GRM4: variants seen among roughly 807,000 people sequenced by gnomAD.
GRM4 encodes metabotropic glutamate receptor 4.
In GRM4, 28 loss-of-function variants were observed where a neutral mutation model predicts 81.7. The observed-to-expected ratio is 0.34, with a 90% CI of 0.25 to 0.47. The LOEUF is 0.47. GRM4 is among the 20% of genes least tolerant of loss of function. The probability of loss-of-function intolerance (pLI) is 1.00; values close to 1 mark genes in which losing one functional copy is unlikely to be tolerated. For synonymous variants in GRM4, 488 were observed against 528.8 expected (o/e 0.92, Z 1.06); for missense variants, 948 against 1,290.0 (o/e 0.73, Z 4.06).
chr6:34,077,770 A>G (rs1463118959), intron 3 of GRM4, among the ~76,000 whole-genome samples: 1 of 152,110 alleles, frequency 6.6e-6, no homozygotes, highest in East Asian at 1.9e-4. Flanking sequence ...AGTCAGCTCC[A>G]TCTGTTCTTA....
At chr6:34,107,359 C>T (rs1320901403) in intron 2 of GRM4, among the ~76,000 whole-genome samples, 1 of 152,134 alleles carries the variant, frequency 6.6e-6, no homozygotes, top group East Asian at 1.9e-4. Flanking sequence ...TCCTGAGCAC[C>T]CTCTATGTGC....
At position 34,114,978 on chromosome 6, in the gene GRM4, G is replaced by A. The variant is rs961789032; in HGVS notation, c.519+18000C>T. 1.3e-5 allele frequency among the ~76,000 whole-genome samples: 2 copies of A among 152,208 alleles called. No individual in the cohort carries two copies. Among genetic ancestry groups the A allele is most frequent in the Non-Finnish European group, 2.9e-5 (2 of 68,040 alleles). ...AGCCCAGGAAGCATGTCCATTAAGA[G>A]AAGCCTTTCCTCCAGGTTGCCAGCA... On this transcript the variant is annotated intron_variant, in intron 2 of 10. Coordinates refer to ENST00000538487, the MANE Select transcript of GRM4 (RefSeq NM_000841.4). The surrounding 1 kb of genome is among the most constrained non-coding windows in gnomAD (Gnocchi z 4.3).
intron 9 of GRM4, among the ~76,000 whole-genome samples, chr6:34,031,162 C>A (rs1237635831): frequency 6.6e-6 from 1 of 152,182 alleles, no homozygotes; most frequent in East Asian, 1.9e-4. Context: ...CAGGAAGGTC[C>A]TAAAGGGAGG....
intron 2 of GRM4, chr6:34,110,819 G>A: frequency 5.8e-6 from 8 of 1,379,614 alleles, no homozygotes; most frequent in Non-Finnish European, 7.5e-6. Flanking sequence ...TGTCTTGCCT[G>A]GCAGCTCTCC....
rs747544988 is a variant in GRM4, at chr6:34,056,697, C to T, written c.1028-13G>A. On this transcript the variant is annotated splice_polypyrimidine_tract_variant and intron_variant, in intron 5 of 10. Transcript: ENST00000538487. ...TAGCGGTCGAAGCCTGGCAGGGAAC[C>T]AGGACGTCAGGGCCTCACTGGCCTT... 1 of 1,611,312 alleles carries T rather than the reference C, an allele frequency of 6.2e-7. No individual in the cohort carries two copies. Among genetic ancestry groups the T allele is most frequent in the Non-Finnish European group, 8.5e-7 (1 of 1,178,632 alleles).
intron 6 of GRM4, among the ~76,000 whole-genome samples, chr6:34,052,056 G>A (rs1765639489): frequency 6.6e-6 from 1 of 152,230 alleles, no homozygotes; most frequent in Non-Finnish European, 1.5e-5. Flanking sequence ...GCCTCCAGCT[G>A]CCAGCATGTG....
intron 2 of GRM4, among the ~76,000 whole-genome samples, chr6:34,117,548 C>T (rs951510311): frequency 9.2e-5 from 14 of 152,166 alleles, no homozygotes; most frequent in East Asian, 3.8e-4. Context: ...GTTGAATTTC[C>T]GGGGTTTAGG....
At chr6:34,030,752 C>T (rs895987143) in intron 9 of GRM4, among the ~76,000 whole-genome samples, 1 of 152,230 alleles carries the variant, frequency 6.6e-6, no homozygotes, top group African/African-American at 2.4e-5. Flanking sequence ...AATTATATAG[C>T]CAACTCTCAA....
intron 10 of GRM4, 72 bp downstream of exon 10, chr6:34,028,048 G>A: frequency 6.7e-7 from 1 of 1,482,786 alleles, no homozygotes; most frequent in Non-Finnish European, 9.1e-7. Context: ...GGAGGGGCAG[G>A]AGCTCAGCCC....
chr6:34,113,970 T>C lies in GRM4; in HGVS notation c.519+19008A>G, dbSNP rs58796915. ...CCTTGCTCCTCAGATGGGCCAAAAA[T>C]GTTCCTGCTTCAGGGTCTTTGCACT... On this transcript the variant is annotated intron_variant, in intron 2 of 10. Transcript: ENST00000538487. 8.3e-3 allele frequency among the ~76,000 whole-genome samples: 1,268 copies of C among 152,146 alleles called. 7 individuals carry two copies. Among genetic ancestry groups the C allele is most frequent in the Middle Eastern group, 0.044 (13 of 294 alleles).
In GRM4 at chr6:34,091,337, G is replaced by A. The variant is rs937036; in HGVS notation, c.736+546C>T. 4.3e-3 allele frequency among the ~76,000 whole-genome samples: 651 copies of A among 152,290 alleles called. 8 individuals carry two copies. The highest frequency in any genetic ancestry group is 0.014 in the African/African-American group (598 of 41,546). ...GGGAAGATGGCATCAGGGTACGAGG[G>A]GGAGACCTCGAGGAGAATAAATACT... On this transcript the variant is annotated intron_variant, in intron 3 of 10. Transcript: ENST00000538487.
chr6:34,022,934 AC>A lies in GRM4; in HGVS notation c.2690-65del. 8.0e-7 allele frequency: 1 copy of A among 1,253,240 alleles called. No homozygotes were observed. Among genetic ancestry groups the A allele is most frequent in the Non-Finnish European group, 1.2e-6 (1 of 851,142 alleles). 77.6% of individuals were successfully genotyped at this position (1,253,240 alleles called of 1,614,324 possible). A position where few individuals can be genotyped will look rare whatever the true frequency, so the allele number is the denominator to read the frequency against. On this transcript the variant is annotated intron_variant, in intron 10 of 10. Coordinates refer to ENST00000538487, the MANE Select transcript of GRM4 (RefSeq NM_000841.4). This position sits in a 1 kb window ranked among gnomAD's most constrained non-coding sequence, Gnocchi z 5.6. The stretch of plus-strand genomic sequence containing the variant: ...GCTGCTTTTCTCAAACTGTCCTTCC[AC>A]ATGGGCACAGCCCTGCACAAGAACC...
At chr6:34,024,416 A>AC in intron 10 of GRM4, 1 of 279,028 alleles carries the variant, frequency 3.6e-6, no homozygotes, top group Non-Finnish European at 7.2e-6. Flanking sequence ...CCTCACTCCC[A>AC]CCCACCCACC....
chr6:34,071,469 A>T (rs1766839875), intron 3 of GRM4, among the ~76,000 whole-genome samples: 2 of 76,758 alleles, frequency 2.6e-5, no homozygotes. Context: ...ACAGAGATAC[A>T]CACCACAAAC....
At chr6:34,045,679 G>T (rs1765331537) in intron 6 of GRM4, among the ~76,000 whole-genome samples, 1 of 152,206 alleles carries the variant, frequency 6.6e-6, no homozygotes, top group African/African-American at 2.4e-5. Context: ...CTGTCTGCAG[G>T]TCTAGAACAG....
chr6:34,123,963 TGC>T lies in GRM4; in HGVS notation c.519+9013_519+9014del, dbSNP rs1389846548. Among the ~76,000 whole-genome samples the T allele has an allele frequency of 7.2e-5, 11 of 152,216 alleles. No homozygotes were observed. In the East Asian group the frequency reaches 2.1e-3, roughly 30 times the overall value. ...GAAGAGGCCCAGGAAGGCCCGAGTG[TGC>T]AAAAGTCATCAGGGTGGGAGCCCAG... is the stretch of plus-strand genomic sequence containing the variant. On this transcript the variant is annotated intron_variant, in intron 2 of 10. Coordinates refer to ENST00000538487, the MANE Select transcript of GRM4 (RefSeq NM_000841.4).
Position 34,035,559 on chromosome 6 carries a change from T to TGAAAGAAGGCAGACTGAGGCAA in GRM4, c.2442+108_2442+109insTTGCCTCAGTCTGCCTTCTTTC. The TGAAAGAAGGCAGACTGAGGCAA allele has an allele frequency of 1.7e-6, 1 of 581,980 alleles. No individual in the cohort carries two copies. The highest frequency in any genetic ancestry group is 3.0e-6 in the Non-Finnish European group (1 of 338,128). The allele number at this position is 581,980 out of a possible 1,614,324, so 36.1% of individuals were successfully genotyped here. A position where few individuals can be genotyped will look rare whatever the true frequency, so the allele number is the denominator to read the frequency against. On this transcript the variant is annotated intron_variant, in intron 9 of 10. Coordinates refer to ENST00000538487, the MANE Select transcript of GRM4 (RefSeq NM_000841.4). The surrounding 1 kb of genome is among the most constrained non-coding windows in gnomAD (Gnocchi z 6.6). ...GCAAGAAAGAAGGCAGAATGAGGCA[T>TGAAAGAAGGCAGACTGAGGCAA]GAAAGAAGGCATTTCTGGAGCAGGG...
In GRM4 at chr6:34,130,976, G is replaced by T. The variant is rs888285446; in HGVS notation, c.519+2002C>A. Among the ~76,000 whole-genome samples, 2 of 152,226 alleles carry T rather than the reference G, an allele frequency of 1.3e-5. No homozygotes were observed. Among genetic ancestry groups the T allele is most frequent in the African/African-American group, 4.8e-5 (2 of 41,466 alleles). Reference sequence around the variant, plus strand: ...CCAGGCTGACAAGGAGGAGTCCAAGGCTTGTCCCCTCTGCTGGATGGCCCA... The same window carrying T: ...CCAGGCTGACAAGGAGGAGTCCAAGTCTTGTCCCCTCTGCTGGATGGCCCA... On this transcript the variant is annotated intron_variant, in intron 2 of 10. Transcript: ENST00000538487. The surrounding 1 kb of genome is among the most constrained non-coding windows in gnomAD (Gnocchi z 4.1).
intron 10 of GRM4, chr6:34,024,598 AG>A (rs1376797433): frequency 6.6e-6 from 3 of 451,854 alleles, no homozygotes; most frequent in Non-Finnish European, 1.3e-5. Flanking sequence ...GGATGGGGTG[AG>A]CAGAGGGGTC....
Sources: allele counts gnomAD v4.1 joint callset (sites outside exome capture counted in the v4.1 genomes callset), GRCh38; gene constraint gnomAD v4.1.1; non-coding constraint Gnocchi (gnomAD v3.1); transcripts MANE v1.5; gene names NCBI Gene and HGNC (gene_info 2026-07-23, HGNC 2026-07-21).